The following FCN2 variants were observed in gnomAD, a reference collection of about 807,000 sequenced individuals.
FCN2 encodes ficolin 2.
FCN2 carries 31 observed loss-of-function variants against 32.5 expected under a neutral mutation model. That is an observed-to-expected ratio of 0.96 (90% CI 0.72 to 1.29). FCN2 has a LOEUF of 1.29. FCN2 is among the 50% of genes most tolerant of loss of function. FCN2 has a pLI of 0.00. For missense variants in FCN2, 412 were observed against 406.5 expected (o/e 1.01, Z -0.12); for synonymous variants, 181 against 164.5 (o/e 1.10, Z -0.77).
At chr9:134,876,437 C>A (rs540689999), upstream of FCN2, among the ~76,000 whole-genome samples, 9 of 152,270 alleles carry the variant, frequency 5.9e-5, no homozygotes, top group African/African-American at 2.2e-4. Flanking sequence ...TCTGTAGACT[C>A]TCTATTTCTT....
intron 2 of FCN2, 108 bp from the exon 3 acceptor site, chr9:134,883,194 G>A (rs1303923188): frequency 6.2e-6 from 6 of 967,414 alleles, no homozygotes; most frequent in African/African-American, 4.8e-5. Flanking sequence ...GTCGTAGCAC[G>A]AGCAGGGTCA....
intron 2 of FCN2, 103 bp downstream of exon 2, chr9:134,882,742 C>T (rs1006034216): frequency 3.4e-5 from 26 of 769,472 alleles, no homozygotes; most frequent in Admixed American, 2.2e-4. Context: ...AGAGCTGGGT[C>T]AGGCCCCTGC....
chr9:134,870,157 C>T, the FCN2 span, among the ~76,000 whole-genome samples: 2 of 152,174 alleles, frequency 1.3e-5, no homozygotes, highest in South Asian at 2.1e-4. The surrounding 1 kb of genome is among the most constrained non-coding windows in gnomAD (Gnocchi z 4.3). Context: ...CTGGCAAACC[C>T]CCCTCTGTGG....
chr9:134,885,734 C>A (rs753540737), intron 5 of FCN2, 34 bp from the exon 6 acceptor site: 1 of 1,606,568 alleles, frequency 6.2e-7, no homozygotes, highest in Admixed American at 1.7e-5. Context: ...GTCGGCCTGG[C>A]CCCCCCGGCT....
chr9:134,875,632 TGTGG>T, the FCN2 span, among the ~76,000 whole-genome samples: 1 of 152,232 alleles, frequency 6.6e-6, no homozygotes, highest in Admixed American at 6.5e-5. Context: ...GGACAGGAAT[TGTGG>T]GTAGTCTTTA....
In FCN2 at chr9:134,882,643, G is replaced by A. The variant is rs770197067; in HGVS notation, c.214+4G>A. On this transcript the variant is annotated splice_donor_region_variant and intron_variant, in intron 2 of 7. Coordinates refer to ENST00000291744, the MANE Select transcript of FCN2 (RefSeq NM_004108.3). ...GCAGGCACCAATGGAAAGAGAGGTAGGTGCAGGCATGGCTGGGGGCACTGG... is the reference window on the plus strand; with the variant it reads ...GCAGGCACCAATGGAAAGAGAGGTAAGTGCAGGCATGGCTGGGGGCACTGG... The A allele has an allele frequency of 6.3e-7, 1 of 1,596,944 alleles. No individual in the cohort carries two copies. The highest frequency in any genetic ancestry group is 1.1e-5 in the South Asian group (1 of 90,716).
intron 5 of FCN2, 150 bp from the exon 6 acceptor site, chr9:134,885,617 TG>T: frequency 8.7e-7 from 1 of 1,147,632 alleles, no homozygotes; most frequent in Non-Finnish European, 1.2e-6. Context: ...CTTCATCCTG[TG>T]GAGTCTGTGA....
At chr9:134,874,197 G>A in the FCN2 span, among the ~76,000 whole-genome samples, 9 of 152,098 alleles carry the variant, frequency 5.9e-5, no homozygotes. Context: ...AGTACAGTTA[G>A]GAGCCACTGT....
the FCN2 span, among the ~76,000 whole-genome samples, chr9:134,865,916 G>T: frequency 1.4e-3 from 210 of 151,794 alleles, 1 homozygote; most frequent in African/African-American, 4.8e-3. Context: ...AAATACCTAG[G>T]AATCCAACTT....
rs551473389 is a variant in FCN2, at chr9:134,881,622, A to C, written c.100+701A>C. Among the ~76,000 whole-genome samples the C allele has an allele frequency of 2.5e-3, 381 of 152,222 alleles. 5 individuals are homozygous for C. The highest frequency in any genetic ancestry group is 3.4e-3 in the Non-Finnish European group (231 of 68,008). Reference sequence around the variant, plus strand: ...AATTTGTGATGCTCCTGATGCTTGCAGAGATTCGTGTCAGGATTTCTGGAA... The same window carrying C: ...AATTTGTGATGCTCCTGATGCTTGCCGAGATTCGTGTCAGGATTTCTGGAA... On this transcript the variant is annotated intron_variant, in intron 1 of 7. Coordinates refer to ENST00000291744, the MANE Select transcript of FCN2 (RefSeq NM_004108.3).
At chr9:134,883,169 C>G (rs551343170) in intron 2 of FCN2, 133 bp from the exon 3 acceptor site, 1 of 814,164 alleles carries the variant, frequency 1.2e-6, no homozygotes, top group African/African-American at 1.7e-5. Context: ...CAAGCCTGGG[C>G]GGGGCCACAG....
At chr9:134,865,212 G>C in the FCN2 span, among the ~76,000 whole-genome samples, 3 of 152,342 alleles carry the variant, frequency 2.0e-5, no homozygotes, top group South Asian at 6.2e-4. Context: ...GTGGCACCTA[G>C]GCTCCAGATC....
upstream of FCN2, among the ~76,000 whole-genome samples, chr9:134,876,228 T>C (rs1021285533): frequency 1.3e-5 from 2 of 152,186 alleles, no homozygotes; most frequent in African/African-American, 4.8e-5. Flanking sequence ...TCTATAGTTA[T>C]TTTTTTCTTG....
chr9:134,878,831 G>A (rs975919093), upstream of FCN2, among the ~76,000 whole-genome samples: 8 of 151,952 alleles, frequency 5.3e-5, no homozygotes, highest in African/African-American at 1.7e-4. Flanking sequence ...CAACAAGAGC[G>A]AAACTCCGTC....
chr9:134,881,479 C>T (rs1325083111), intron 1 of FCN2, among the ~76,000 whole-genome samples: 3 of 152,086 alleles, frequency 2.0e-5, no homozygotes, highest in Non-Finnish European at 2.9e-5. Flanking sequence ...TCGGGGCTCC[C>T]GAGGGGACAC....
chr9:134,887,232 CA>C lies in FCN2; in HGVS notation c.760del (p.Thr254ProfsTer6), dbSNP rs1830772130. 6.2e-6 allele frequency: 10 copies of C among 1,614,042 alleles called. No homozygotes were observed. The highest frequency in any genetic ancestry group is 8.5e-6 in the Non-Finnish European group (10 of 1,179,972). The stretch of plus-strand genomic sequence containing the variant: ...CCAAAGACCAGGACAATGATCTTAA[CA>C]CCGGAAATTGTGCTGTGATGTTTCA... ...STKDQDNDLNTGNCAVMFQGA... is the reference protein window; with the variant it reads ...STKDQDNDLNXGNCAVMFQGA... On this transcript the variant is annotated frameshift_variant, in exon 8 of 8. Transcript: ENST00000291744. LOFTEE classifies it low-confidence loss of function (END_TRUNC).
rs1042067776 is a variant in FCN2, at chr9:134,885,140, C to T, written c.302-99C>T. On this transcript the variant is annotated intron_variant, in intron 4 of 7. Transcript: ENST00000291744. ...CAGAGTCCCGCTCTGTTCATACAGA[C>T]GCCTATGGCCCTGCTTCTTCCTCCC... 110 of 1,506,552 alleles carry T rather than the reference C, an allele frequency of 7.3e-5. No individual in the cohort carries two copies. In the Admixed American group the frequency reaches 1.1e-3, roughly 15 times the overall value. 93.3% of individuals were successfully genotyped at this position (1,506,552 alleles called of 1,614,324 possible). A position where few individuals can be genotyped will look rare whatever the true frequency, so the allele number is the denominator to read the frequency against.
At chr9:134,880,265 A>G (rs3811140), upstream of FCN2, among the ~76,000 whole-genome samples, 22,112 of 152,098 alleles carry the variant, frequency 0.15, 1,794 homozygotes, top group African/African-American at 0.22. Flanking sequence ...CAGTGGACAC[A>G]CACGCATTTT....
At chr9:134,870,752 G>A in the FCN2 span, among the ~76,000 whole-genome samples, 7 of 152,304 alleles carry the variant, frequency 4.6e-5, no homozygotes, top group East Asian at 1.4e-3. The surrounding 1 kb of genome is among the most constrained non-coding windows in gnomAD (Gnocchi z 4.3). Flanking sequence ...GATGCTCCCA[G>A]GGGAGGGGAG....
Sources: gnomAD v4.1 joint callset for allele counts (sites outside exome capture counted in the v4.1 genomes callset) on GRCh38, gnomAD v4.1.1 for gene constraint, Gnocchi (gnomAD v3.1) non-coding constraint, MANE v1.5 for transcripts, NCBI Gene and HGNC (gene_info 2026-07-23, HGNC 2026-07-21) for gene names.